Variants in DLEU7 observed in about 807,000 individuals in gnomAD.
The protein encoded by DLEU7 is deleted in lymphocytic leukemia 7, also known as leukemia-associated protein 7.
DLEU7 carries 17 observed loss-of-function variants against 16.0 expected under a neutral mutation model. The ratio of observed to expected loss-of-function variants is 1.06; its 90% CI spans 0.73 to 1.59. The LOEUF is 1.59. DLEU7 is among the 40% of genes most tolerant of loss of function. DLEU7 has a pLI of 0.00. For synonymous variants in DLEU7, 113 were observed against 139.8 expected (o/e 0.81, Z 1.35); for missense variants, 308 against 314.9 (o/e 0.98, Z 0.17).
At chr13:50,817,280 C>CA (rs1876761810) in intron 1 of DLEU7, among the ~76,000 whole-genome samples, 1 of 152,076 alleles carries the variant, frequency 6.6e-6, no homozygotes, top group Non-Finnish European at 1.5e-5. Context: ...AACTTGTCTG[C>CA]AAAAAGAGAA....
At chr13:50,829,389 A>G (rs1185403893) in intron 1 of DLEU7, among the ~76,000 whole-genome samples, 1 of 152,236 alleles carries the variant, frequency 6.6e-6, no homozygotes, top group African/African-American at 2.4e-5. Flanking sequence ...GCAAGGGGAA[A>G]TTCAAAATAG....
chr13:50,814,761 A>AGTGTGTGTGTGTGTGT (rs10670911), intron 1 of DLEU7, among the ~76,000 whole-genome samples: 2,160 of 138,628 alleles, frequency 0.016, 25 homozygotes, highest in African/African-American at 0.025. Flanking sequence ...TATTCATGTG[A>AGTGTGTGTGTGTGTGT]GTGTGTGTGT....
intron 1 of DLEU7, among the ~76,000 whole-genome samples, chr13:50,805,033 T>G (rs1426182469): frequency 1.3e-5 from 2 of 152,132 alleles, no homozygotes; most frequent in African/African-American, 4.8e-5. Context: ...TGTATACATT[T>G]TCTTTCTCTC....
At chr13:50,794,010 CTTGAG>C (rs1876040083) in intron 1 of DLEU7, among the ~76,000 whole-genome samples, 1 of 152,126 alleles carries the variant, frequency 6.6e-6, no homozygotes, top group Non-Finnish European at 1.5e-5. Flanking sequence ...TTTAATCCAT[CTTGAG>C]TTAATTTTTG....
At chr13:50,772,714 C>T (rs1489848449) in intron 1 of DLEU7, among the ~76,000 whole-genome samples, 4 of 152,146 alleles carry the variant, frequency 2.6e-5, no homozygotes, top group African/African-American at 9.7e-5. Flanking sequence ...TCCTTCATTT[C>T]AACCTTGGTG....
intron 1 of DLEU7, among the ~76,000 whole-genome samples, chr13:50,769,499 T>C (rs1013566726): frequency 2.2e-4 from 33 of 152,340 alleles, no homozygotes; most frequent in Admixed American, 1.8e-3. Flanking sequence ...TTCAGCTTTC[T>C]ACATATGGCT....
intron 1 of DLEU7, among the ~76,000 whole-genome samples, chr13:50,811,898 A>G (rs1304425308): frequency 1.3e-5 from 2 of 151,750 alleles, no homozygotes; most frequent in Non-Finnish European, 2.9e-5. Flanking sequence ...GCGAAACCCC[A>G]TCTCTACTAA....
At chr13:50,792,863 C>CTT (rs34476833) in intron 1 of DLEU7, among the ~76,000 whole-genome samples, 4,459 of 145,386 alleles carry the variant, frequency 0.031, 97 homozygotes, top group Non-Finnish European at 0.038. Context: ...CTTTGCTCCT[C>CTT]TTTTTTTTTT....
intron 1 of DLEU7, among the ~76,000 whole-genome samples, chr13:50,766,167 C>T (rs1184157704): frequency 2.0e-5 from 3 of 152,152 alleles, no homozygotes; most frequent in Non-Finnish European, 2.9e-5. Context: ...TACCAATTAA[C>T]CTATGTTGAT....
At chr13:50,770,021 C>T (rs1283796928) in intron 1 of DLEU7, among the ~76,000 whole-genome samples, 1 of 152,048 alleles carries the variant, frequency 6.6e-6, no homozygotes, top group African/African-American at 2.4e-5. Flanking sequence ...GTATTTTATT[C>T]TCTTTGAAGC....
intron 1 of DLEU7, among the ~76,000 whole-genome samples, chr13:50,841,492 C>T (rs1404601775): frequency 6.6e-6 from 1 of 151,930 alleles, no homozygotes; most frequent in Non-Finnish European, 1.5e-5. Context: ...TTACCTATGC[C>T]CTGTATGTGC....
intron 1 of DLEU7, among the ~76,000 whole-genome samples, chr13:50,764,904 A>T (rs759346756): frequency 7.4e-4 from 99 of 133,446 alleles, no homozygotes; most frequent in Non-Finnish European, 8.7e-4. Flanking sequence ...TTTGTTTGAG[A>T]CAGAGTCTCA....
At chr13:50,746,954 TAC>T (rs3059124) in intron 1 of DLEU7, among the ~76,000 whole-genome samples, 78,140 of 150,840 alleles carry the variant, frequency 0.52, 21,266 homozygotes, top group East Asian at 0.76. Flanking sequence ...TTGTGGAACG[TAC>T]ACACACACAC....
At chr13:50,751,372 C>A (rs1020223549) in intron 1 of DLEU7, among the ~76,000 whole-genome samples, 3 of 152,044 alleles carry the variant, frequency 2.0e-5, no homozygotes, top group Non-Finnish European at 4.4e-5. Flanking sequence ...GTTCATCAGG[C>A]GTATCAGTCT....
intron 1 of DLEU7, among the ~76,000 whole-genome samples, chr13:50,760,387 G>A (rs1347404244): frequency 6.6e-6 from 1 of 152,030 alleles, no homozygotes; most frequent in Non-Finnish European, 1.5e-5. Flanking sequence ...GCAGGGACAG[G>A]GTCTCACTCT....
In DLEU7 at chr13:50,781,410, A is replaced by C. The variant is rs377196547; in HGVS notation, c.459+61778T>G. Among the ~76,000 whole-genome samples the C allele has an allele frequency of 3.1e-3, 465 of 152,338 alleles. 2 individuals carry two copies. The highest frequency in any genetic ancestry group is 0.011 in the African/African-American group (442 of 41,578). The stretch of plus-strand genomic sequence containing the variant: ...ACCAGTAAGAGAATGAAAGTGAAAA[A>C]GCAAATACCATCTTAGTAACTGTGA... On this transcript the variant is annotated intron_variant, in intron 1 of 1. Transcript: ENST00000400393.
Position 50,720,987 on chromosome 13 carries a change from G to A in DLEU7, c.460-7747C>T, listed in dbSNP as rs559065550. On this transcript the variant is annotated intron_variant, in intron 1 of 1. Coordinates refer to the DLEU7 transcript ENST00000400393. ...GATGCAAAGTATTGTTCCTGGGTGT[G>A]TCTAAGGGTGTTGCCAAAGGAGATT... Among the ~76,000 whole-genome samples the A allele has an allele frequency of 9.8e-5, 15 of 152,338 alleles. No homozygotes were observed. In the South Asian group the frequency reaches 3.1e-3, roughly 32 times the overall value.
At chr13:50,791,073 G>A (rs958849782) in intron 1 of DLEU7, among the ~76,000 whole-genome samples, 8 of 152,068 alleles carry the variant, frequency 5.3e-5, no homozygotes, top group Non-Finnish European at 8.8e-5. Flanking sequence ...AAGAGTCCAG[G>A]GGCTTTGGCC....
At chr13:50,835,219 A>T (rs1019940475) in intron 1 of DLEU7, among the ~76,000 whole-genome samples, 1 of 152,198 alleles carries the variant, frequency 6.6e-6, no homozygotes, top group Non-Finnish European at 1.5e-5. Flanking sequence ...GAACTCACTC[A>T]TCAGACTCGG....
Sources: gnomAD v4.1 joint callset for allele counts (sites outside exome capture counted in the v4.1 genomes callset) on GRCh38, gnomAD v4.1.1 for gene constraint, MANE v1.5 for transcripts, NCBI Gene and HGNC (gene_info 2026-07-23, HGNC 2026-07-21) for gene names.